The following ZNF577 variants were observed in gnomAD, a reference collection of about 807,000 sequenced individuals.
ZNF577 encodes the protein zinc finger protein 577.
Under a neutral mutation model 13.9 loss-of-function variants are expected in ZNF577, and 14 were observed. That is an observed-to-expected ratio of 1.00 (90% CI 0.66 to 1.57). The LOEUF is 1.57. ZNF577 is among the 40% of genes most tolerant of loss of function. The pLI is 0.00. For missense variants in ZNF577, 555 were observed against 579.2 expected, an observed-to-expected ratio of 0.96 and a Z score of 0.43; for synonymous variants, 203 against 202.9, an observed-to-expected ratio of 1.00 and a Z score of 0.00.
intron 9 of ZNF577, among the ~76,000 whole-genome samples, chr19:51,823,259 A>G (rs1011782140): frequency 6.6e-6 from 1 of 152,164 alleles, no homozygotes; most frequent in Admixed American, 6.5e-5. Context: ...TTAAATATCA[A>G]CTAAAAAATA....
At chr19:51,861,146 T>A in intron 5 of ZNF577, 2 of 285,952 alleles carry the variant, frequency 7.0e-6, no homozygotes, top group Non-Finnish European at 1.2e-5. Context: ...TGAGACAGAG[T>A]CTCACTCTGT....
intron 5 of ZNF577, among the ~76,000 whole-genome samples, chr19:51,847,997 C>G (rs1454403980): frequency 6.6e-6 from 1 of 152,190 alleles, no homozygotes; most frequent in African/African-American, 2.4e-5. Flanking sequence ...TGGTCGCGCC[C>G]AAGCCCTGAC....
intron 9 of ZNF577, among the ~76,000 whole-genome samples, chr19:51,818,851 G>C (rs12463097): frequency 0.13 from 19,789 of 152,174 alleles, 1,482 homozygotes; most frequent in South Asian, 0.29. Flanking sequence ...AGCCATAGAA[G>C]AGTGCTGAGA....
At chr19:51,854,652 C>A (rs1408148766) in intron 5 of ZNF577, among the ~76,000 whole-genome samples, 1 of 151,876 alleles carries the variant, frequency 6.6e-6, no homozygotes. Context: ...ATTTATTGAC[C>A]TTCTCAGATG....
At chr19:51,849,630 C>A (rs1308141715) in intron 5 of ZNF577, among the ~76,000 whole-genome samples, 3 of 152,150 alleles carry the variant, frequency 2.0e-5, no homozygotes, top group African/African-American at 7.2e-5. Context: ...TTTGTTATAG[C>A]AGTACAAATA....
chr19:51,872,597 CATTT>C lies in ZNF577; in HGVS notation c.1389_1392del (p.Asn464LysfsTer2), dbSNP rs2084677393. ...ATTACTGATGGGGCCACATTCACTT[CATTT>C]GTGAGGCTTATTCTCTGTTCAAATT... is the stretch of plus-strand genomic sequence containing the variant. On this transcript the variant is annotated frameshift_variant, in exon 6 of 6. Coordinates refer to ENST00000638348, the MANE Select transcript of ZNF577 (RefSeq NM_001370449.1). LOFTEE classifies it low-confidence loss of function (END_TRUNC). The C allele has an allele frequency of 6.2e-7, 1 of 1,613,734 alleles. No homozygotes were observed. The highest frequency in any genetic ancestry group is 1.3e-5 in the African/African-American group (1 of 75,034).
At position 51,873,457 on chromosome 19, in the gene ZNF577, C is replaced by A; in HGVS notation, c.533G>T (p.Arg178Ile). The change falls in exon 6 of 6, where the codon AGA becomes ATA. Residue 178 changes from arginine to isoleucine, a missense_variant. Coordinates refer to ENST00000638348, the MANE Select transcript of ZNF577 (RefSeq NM_001370449.1). Reference sequence around the variant, plus strand: ...ATGGGGTTTCTCTCCTCTTTCAGTTCTCTGATGTTGAATAAGCTGTGCTTT... The same window carrying A: ...ATGGGGTTTCTCTCCTCTTTCAGTTATCTGATGTTGAATAAGCTGTGCTTT... ...SRKAQLIQHQ[R>I]TERGEKPHGC... is the part of the protein sequence containing the mutation. 1.9e-6 allele frequency: 3 copies of A among 1,614,180 alleles called. No homozygotes were observed. The highest frequency in any genetic ancestry group is 2.5e-6 in the Non-Finnish European group (3 of 1,180,010).
chr19:51,846,987 C>T (rs2084356205), intron 5 of ZNF577, among the ~76,000 whole-genome samples: 1 of 152,188 alleles, frequency 6.6e-6, no homozygotes, highest in Non-Finnish European at 1.5e-5. Flanking sequence ...CCTCAAAACC[C>T]ATCTGCAAGG....
intron 9 of ZNF577, among the ~76,000 whole-genome samples, chr19:51,818,568 G>A (rs2084162241): frequency 6.6e-6 from 1 of 152,166 alleles, no homozygotes; most frequent in Non-Finnish European, 1.5e-5. Context: ...TTTGCAAATG[G>A]GTTAAGAGAA....
chr19:51,814,085 C>A (rs1164909559), intron 9 of ZNF577, among the ~76,000 whole-genome samples: 2 of 152,132 alleles, frequency 1.3e-5, no homozygotes, highest in African/African-American at 4.8e-5. Flanking sequence ...TAGTAAATTC[C>A]TTCTTGGTTT....
intron 1 of ZNF577, among the ~76,000 whole-genome samples, chr19:51,882,181 T>C (rs528985422): frequency 6.6e-6 from 1 of 152,262 alleles, no homozygotes; most frequent in South Asian, 2.1e-4. Flanking sequence ...CCATTACGCA[T>C]GAATGGGTTG....
intron 1 of ZNF577, among the ~76,000 whole-genome samples, chr19:51,882,056 C>T (rs2084869670): frequency 6.6e-6 from 1 of 152,190 alleles, no homozygotes; most frequent in Non-Finnish European, 1.5e-5. Context: ...AATCCTGAGA[C>T]CGCTTCATCC....
At chr19:51,863,055 T>C (rs771626186), downstream of ZNF577, 7 of 152,248 alleles carry the variant, frequency 4.6e-5, no homozygotes, top group Non-Finnish European at 8.8e-5. Context: ...TGAAGGCTTT[T>C]TGACATTGAT....
chr19:51,879,262 GAAA>G, intron 3 of ZNF577, among the ~76,000 whole-genome samples: 1 of 133,596 alleles, frequency 7.5e-6, no homozygotes. Context: ...GTCTCAAGAG[GAAA>G]AAAAAAAAAA....
chr19:51,818,510 CAAAT>C (rs1232340399), intron 9 of ZNF577, among the ~76,000 whole-genome samples: 1 of 152,092 alleles, frequency 6.6e-6, no homozygotes, highest in East Asian at 1.9e-4. Context: ...AATGAACAAA[CAAAT>C]AAGAAAAGCA....
rs17849895 is a variant in ZNF577, at chr19:51,873,623, G to A, written c.367C>T (p.Arg123Cys). The change falls in exon 6 of 6, where the codon CGT becomes TGT. Residue 123 changes from arginine to cysteine, a missense_variant. Arg to Cys is a radical substitution (Grantham distance 180). Transcript: ENST00000638348. ...TTAACTCCAGTAAGAGTTTTGTCAC[G>A]CTTGATATGGAGGCATGATCTCCCA... ...GYGRSCLHIK[R>C]DKTLTGVKYH... is the part of the protein sequence containing the mutation. The A allele has an allele frequency of 0.015, 24,667 of 1,614,030 alleles. 1,159 individuals carry two copies. The African/African-American group carries it at 0.16, about 10-fold the overall frequency.
downstream of ZNF577, among the ~76,000 whole-genome samples, chr19:51,865,048 A>G (rs1475158621): frequency 2.6e-5 from 4 of 152,208 alleles, no homozygotes; most frequent in Non-Finnish European, 5.9e-5. Context: ...ACTCTGTTTC[A>G]GATTCATTCT....
intron 5 of ZNF577, among the ~76,000 whole-genome samples, chr19:51,847,558 C>G (rs2084359224): frequency 6.6e-6 from 1 of 152,206 alleles, no homozygotes; most frequent in African/African-American, 2.4e-5. Context: ...TCCCAGGCCT[C>G]TCTCTCTGTG....
intron 5 of ZNF577, chr19:51,861,596 C>G (rs1397800847): frequency 6.6e-6 from 1 of 152,256 alleles, no homozygotes; most frequent in Non-Finnish European, 1.5e-5. Context: ...GCTGATGTGA[C>G]TAATCAAAAA....
Sources: gnomAD v4.1 joint callset for allele counts (sites outside exome capture counted in the v4.1 genomes callset) on GRCh38, gnomAD v4.1.1 for gene constraint, MANE v1.5 for transcripts, NCBI Gene and HGNC (gene_info 2026-07-23, HGNC 2026-07-21) for gene names.